INTS15: variants seen among roughly 807,000 people sequenced by gnomAD.
INTS15 encodes uncharacterized protein C7orf26.
the INTS15 span, among the ~76,000 whole-genome samples, chr7:6,601,440 T>A: frequency 6.6e-6 from 1 of 151,256 alleles, no homozygotes; most frequent in African/African-American, 2.4e-5. Context: ...GGATTACAGG[T>A]ATGTGTCAGC....
At chr7:6,608,181 C>G in the INTS15 span, 1 of 1,544,540 alleles carries the variant, frequency 6.5e-7, no homozygotes, top group Admixed American at 1.9e-5. Context: ...TGTGTGCCTT[C>G]TGCGCTCTCG....
the INTS15 span, among the ~76,000 whole-genome samples, chr7:6,606,246 G>A: frequency 6.6e-6 from 1 of 152,190 alleles, no homozygotes; most frequent in African/African-American, 2.4e-5. Flanking sequence ...TTTGGGCACC[G>A]AATGCACCAG....
the INTS15 span, chr7:6,607,573 C>T: frequency 1.5e-6 from 2 of 1,345,838 alleles, no homozygotes; most frequent in Middle Eastern, 2.1e-4. This position sits in a 1 kb window ranked among gnomAD's most constrained non-coding sequence, Gnocchi z 6.0. Context: ...AGGCCAGCTT[C>T]CTGGGGCTTC....
chr7:6,605,359 G>T, the INTS15 span, among the ~76,000 whole-genome samples: 1 of 152,102 alleles, frequency 6.6e-6, no homozygotes, highest in Non-Finnish European at 1.5e-5. Context: ...GTATCAGCTG[G>T]CACCTTTCCC....
the INTS15 span, among the ~76,000 whole-genome samples, chr7:6,593,467 A>T: frequency 6.6e-6 from 1 of 150,678 alleles, no homozygotes; most frequent in Non-Finnish European, 1.5e-5. Context: ...AGTAGCTGGG[A>T]CTACAGGCGC....
chr7:6,607,424 T>C, the INTS15 span: 1 of 572,430 alleles, frequency 1.7e-6, no homozygotes, highest in Non-Finnish European at 2.4e-6. This position sits in a 1 kb window ranked among gnomAD's most constrained non-coding sequence, Gnocchi z 6.0. Context: ...CATCTGAAGC[T>C]GAGGCTGCGC....
At chr7:6,605,003 G>GTT in the INTS15 span, among the ~76,000 whole-genome samples, 112 of 151,794 alleles carry the variant, frequency 7.4e-4, no homozygotes, top group South Asian at 1.9e-3. Flanking sequence ...TTTTTGTTTT[G>GTT]TTTTTTTGAG....
the INTS15 span, among the ~76,000 whole-genome samples, chr7:6,592,977 TTCACTGACTCTCCTGAA>T: frequency 3.2e-4 from 49 of 152,178 alleles, no homozygotes; most frequent in Non-Finnish European, 5.0e-4. Context: ...CATGTGGCAG[TTCACTGACTCTCCTGAA>T]TCTCTTCAAT....
the INTS15 span, among the ~76,000 whole-genome samples, chr7:6,603,622 T>C: frequency 6.6e-6 from 1 of 151,956 alleles, no homozygotes; most frequent in African/African-American, 2.4e-5. Context: ...GCGGATCACC[T>C]GAGGTCAGGA....
At chr7:6,601,394 C>G in the INTS15 span, among the ~76,000 whole-genome samples, 1 of 151,710 alleles carries the variant, frequency 6.6e-6, no homozygotes, top group Non-Finnish European at 1.5e-5. Context: ...CTCCCGGGTT[C>G]TAGTGATTCT....
At chr7:6,603,567 C>G in the INTS15 span, among the ~76,000 whole-genome samples, 2 of 150,800 alleles carry the variant, frequency 1.3e-5, no homozygotes, top group Non-Finnish European at 3.0e-5. Flanking sequence ...AAAGGCTGGG[C>G]ACGGCTCACA....
chr7:6,598,787 ATT>A, the INTS15 span, among the ~76,000 whole-genome samples: 11 of 70,676 alleles, frequency 1.6e-4, no homozygotes, highest in East Asian at 4.0e-3. Context: ...GTGTGTGTGT[ATT>A]TTTTTTTTTT....
At chr7:6,594,303 G>A in the INTS15 span, 39 of 883,772 alleles carry the variant, frequency 4.4e-5, no homozygotes, top group South Asian at 6.3e-4. Flanking sequence ...ACCACACTCG[G>A]CCCCATTAAC....
At chr7:6,597,014 G>A in the INTS15 span, among the ~76,000 whole-genome samples, 1 of 151,920 alleles carries the variant, frequency 6.6e-6, no homozygotes, top group Non-Finnish European at 1.5e-5. Context: ...ACCTGACCTC[G>A]TGATCCACCC....
chr7:6,605,532 TCAG>T, the INTS15 span, among the ~76,000 whole-genome samples: 2 of 152,136 alleles, frequency 1.3e-5, no homozygotes, highest in African/African-American at 4.8e-5. Flanking sequence ...CCAGAACTAA[TCAG>T]CAGTCCCCTG....
the INTS15 span, chr7:6,608,197 C>T: frequency 1.3e-6 from 2 of 1,535,584 alleles, no homozygotes; most frequent in Non-Finnish European, 1.7e-6. Context: ...TCTCGCTGGA[C>T]GAAGCCTTTC....
chr7:6,601,674 C>T, the INTS15 span, among the ~76,000 whole-genome samples: 15 of 129,904 alleles, frequency 1.2e-4, no homozygotes, highest in South Asian at 2.5e-4. Flanking sequence ...TTTTTTTTTT[C>T]GAGACAGGGT....
At chr7:6,600,644 T>A in the INTS15 span, among the ~76,000 whole-genome samples, 4 of 152,142 alleles carry the variant, frequency 2.6e-5, no homozygotes, top group East Asian at 5.8e-4. Context: ...TTTTCTTTTT[T>A]ATTTTATCTT....
At chr7:6,590,523 G>T in the INTS15 span, 6 of 1,496,016 alleles carry the variant, frequency 4.0e-6, no homozygotes, top group Non-Finnish European at 5.3e-6. Flanking sequence ...GCGGGCGGGC[G>T]GGCCTTTTCC....
Sources: gnomAD v4.1 joint callset for allele counts (sites outside exome capture counted in the v4.1 genomes callset) on GRCh38, gnomAD v4.1.1 for gene constraint, Gnocchi (gnomAD v3.1) non-coding constraint, MANE v1.5 for transcripts, NCBI Gene and HGNC (gene_info 2026-07-23, HGNC 2026-07-21) for gene names.